Variants in ZFP92 observed in about 807,000 individuals in gnomAD.
ZFP92 encodes the protein zinc finger protein 92 homolog.
A neutral mutation model predicts 7.6 loss-of-function variants in ZFP92; 2 were observed. That is an observed-to-expected ratio of 0.26 (90% CI 0.11 to 0.83). The LOEUF (loss-of-function observed/expected upper bound fraction) is 0.83. Ranked by LOEUF, ZFP92 falls within the 40% of genes least tolerant of loss-of-function variation. ZFP92 has a pLI of 0.65. For synonymous variants in ZFP92, 226 were observed against 183.6 expected (o/e 1.23, Z -1.87); for missense variants, 324 against 408.3 (o/e 0.79, Z 1.78).
chrX:153,412,485 TAC>T (rs1270878329), intron 2 of ZFP92, among the ~76,000 whole-genome samples: 3 of 112,568 alleles, frequency 2.7e-5, no homozygotes, highest in African/African-American at 9.7e-5. Flanking sequence ...CATTAGTAAT[TAC>T]AGAGTCTGTT....
Position 153,422,147 on chromosome X carries a change from C to T in ZFP92, c.*519C>T, listed in dbSNP as rs1218330357. On this transcript the variant is annotated 3_prime_UTR_variant, in exon 6 of 6. Coordinates refer to ENST00000338647, the MANE Select transcript of ZFP92 (RefSeq NM_001136273.2). ...TGCATTTCCTCCCTGGGGGTCGTTC[C>T]CCTCGCCCTAAGAGTTGTTAGTGTT... 1 of 111,986 alleles carries T rather than the reference C, an allele frequency of 8.9e-6. No homozygotes were observed. Among genetic ancestry groups the T allele is most frequent in the Non-Finnish European group, 1.9e-5 (1 of 53,274 alleles). 9.2% of individuals were successfully genotyped at this position (111,986 alleles called of 1,213,427 possible).
Position 153,420,779 on chromosome X carries a change from G to A in ZFP92, c.402G>A (p.Leu134=). The change falls in exon 6 of 6, where the codon TTG becomes TTA. Residue 134 remains leucine, a synonymous_variant. Transcript: ENST00000338647. ...SSVLQRGAQG[L]GQSSAAGPQG... ...TGCTCCAGAGAGGTGCCCAGGGCTT[G>A]GGGCAGAGTTCGGCTGCGGGGCCGC... is the stretch of plus-strand genomic sequence containing the variant. 8.6e-7 allele frequency: 1 copy of A among 1,168,412 alleles called. No individual in the cohort carries two copies. The highest frequency in any genetic ancestry group is 1.1e-6 in the Non-Finnish European group (1 of 873,049).
In ZFP92 at chrX:153,426,277, TGTATGTCTG is replaced by T. The variant is rs782286964; in HGVS notation, c.*4651_*4659del. The T allele has an allele frequency of 2.7e-5, 3 of 111,010 alleles. No homozygotes were observed. Among genetic ancestry groups the T allele is most frequent in the African/African-American group, 6.6e-5 (2 of 30,511 alleles). 9.1% of individuals were successfully genotyped at this position (111,010 alleles called of 1,213,427 possible). ...ATTCCATAGAAATGGACTCATACAG[TGTATGTCTG>T]GCCTCTTTCACTCAGCACAATTCTT... On this transcript the variant is annotated 3_prime_UTR_variant, in exon 6 of 6. Transcript: ENST00000338647.
rs2089036410 is a variant in ZFP92 at position 153,425,447 on chromosome X, G to A, written c.*3819G>A. The A allele has an allele frequency of 1.8e-5, 2 of 112,013 alleles. No homozygotes were observed. The highest frequency in any genetic ancestry group is 2.8e-4 in the East Asian group (1 of 3,579). 9.2% of individuals were successfully genotyped at this position (112,013 alleles called of 1,213,427 possible). A position where few individuals can be genotyped will look rare whatever the true frequency, so the allele number is the denominator to read the frequency against. Reference sequence around the variant, plus strand: ...AACCAGAGTATGGAGAGTCTGGGATGCCATATACAAAAGTTTGGGCTCTAA... The same window carrying A: ...AACCAGAGTATGGAGAGTCTGGGATACCATATACAAAAGTTTGGGCTCTAA... On this transcript the variant is annotated 3_prime_UTR_variant, in exon 6 of 6. Transcript: ENST00000338647.
rs886860553 is a variant in ZFP92, at chrX:153,416,147, C to A, written c.-18-2158C>A. ...GCAGGTTGCTTCCTTGTGGTGTCAT[C>A]TATTCCCAAGGGCCTCTGGACACTG... On this transcript the variant is annotated intron_variant, in intron 2 of 5. Coordinates refer to ENST00000338647, the MANE Select transcript of ZFP92 (RefSeq NM_001136273.2). Among the ~76,000 whole-genome samples, 5 of 111,380 alleles carry A rather than the reference C, an allele frequency of 4.5e-5. No homozygotes were observed. In the East Asian group the frequency reaches 1.1e-3, roughly 25 times the overall value.
chrX:153,417,314 C>T (rs1336318479), intron 2 of ZFP92, among the ~76,000 whole-genome samples: 1 of 112,491 alleles, frequency 8.9e-6, no homozygotes, highest in African/African-American at 3.2e-5. Flanking sequence ...AAATGCAGGA[C>T]CATCTGAGGG....
chrX:153,411,795 T>TGCG (rs1274472389), intron 1 of ZFP92, among the ~76,000 whole-genome samples, 92 bp downstream of exon 1: 2 of 111,814 alleles, frequency 1.8e-5, no homozygotes, highest in Non-Finnish European at 3.8e-5. Flanking sequence ...ACGAGGGAGC[T>TGCG]GCGGCGGCGG....
rs781784325 is a variant in ZFP92, at chrX:153,421,184, C to T, written c.807C>T (p.Cys269=). The change falls in exon 6 of 6, where the codon TGC becomes TGT. Residue 269 remains cysteine, a synonymous_variant. Transcript: ENST00000338647. Reference sequence around the variant, plus strand: ...AGCGGCCCTACGCGTGCCCAGAGTGCGGCAAGGCCTTCAGCCGCAGCTCCA... The same window carrying T: ...AGCGGCCCTACGCGTGCCCAGAGTGTGGCAAGGCCTTCAGCCGCAGCTCCA... ...SGERPYACPE[C]GKAFSRSSNL... The T allele has an allele frequency of 4.2e-6, 5 of 1,185,199 alleles. No individual in the cohort carries two copies. The highest frequency in any genetic ancestry group is 1.8e-5 in the African/African-American group (1 of 56,643).
chrX:153,421,410 G>A lies in ZFP92; in HGVS notation c.1033G>A (p.Glu345Lys). 1 of 1,156,234 alleles carries A rather than the reference G, an allele frequency of 8.6e-7. No homozygotes were observed. Residue 345 changes from glutamate (E) to lysine (K), a missense_variant, in exon 6 of 6, where the codon GAG (glutamate) becomes AAG (lysine). Physicochemically the swap from Glu to Lys is moderately conservative, Grantham distance 56 (BLOSUM62 1). Coordinates refer to ENST00000338647, the MANE Select transcript of ZFP92 (RefSeq NM_001136273.2). ...LSQHRRVHSG[E>K]KPYECSDCGK... Reference sequence around the variant, plus strand: ...CCAGCACCGGCGCGTGCACAGCGGTGAGAAGCCCTACGAGTGCAGCGACTG... The same window carrying A: ...CCAGCACCGGCGCGTGCACAGCGGTAAGAAGCCCTACGAGTGCAGCGACTG...
Position 153,416,818 on chromosome X carries a change from T to G in ZFP92, c.-18-1487T>G, listed in dbSNP as rs782029428. Among the ~76,000 whole-genome samples the G allele has an allele frequency of 4.5e-5, 5 of 112,063 alleles. No individual in the cohort carries two copies. In the East Asian group the frequency reaches 1.4e-3, roughly 31 times the overall value. On this transcript the variant is annotated intron_variant, in intron 2 of 5. Transcript: ENST00000338647. ...GCTGGAAAGTTCAAGACTGGGCGTC[T>G]GCATCTAGTGAGAGCCTCAAGCTGC...
At position 153,420,301 on chromosome X, in the gene ZFP92, C is replaced by G. The variant is rs1410176440; in HGVS notation, c.234C>G (p.Pro78=). Residue 78 remains proline (P), a synonymous_variant, in exon 5 of 6, where the codon CCC becomes CCG. Coordinates refer to ENST00000338647, the MANE Select transcript of ZFP92 (RefSeq NM_001136273.2). ...AAGGACCCTGGGTAGCAGACATCCC[C>G]AGAACCTGGGCCACCGCAGGATTGC... The part of the protein sequence containing the change: ...RGEGPWVADI[P]RTWATAGLHI... The G allele has an allele frequency of 1.7e-6, 2 of 1,165,753 alleles. No homozygotes were observed. The highest frequency in any genetic ancestry group is 3.6e-5 in the African/African-American group (2 of 55,653).
Position 153,418,759 on chromosome X carries a change from G to A in ZFP92, c.120G>A (p.Lys40=). ...ACCTCAGACAAAAGGTCCTCTACAAGCGGGTGATGCTGGAGAACTATAGCC... is the reference window on the plus strand; with the variant it reads ...ACCTCAGACAAAAGGTCCTCTACAAACGGGTGATGCTGGAGAACTATAGCC... ...LLDLRQKVLY[K]RVMLENYSHL... Residue 40 remains lysine, a synonymous_variant, in exon 4 of 6, where the codon AAG becomes AAA. Coordinates refer to ENST00000338647, the MANE Select transcript of ZFP92 (RefSeq NM_001136273.2). 8.6e-7 allele frequency: 1 copy of A among 1,167,848 alleles called. No homozygotes were observed.
Position 153,418,799 on chromosome X carries a change from G to GGTAA in ZFP92, c.160+3_160+6dup, listed in dbSNP as rs782633536. 217 of 1,165,329 alleles carry GGTAA rather than the reference G, an allele frequency of 1.9e-4. No homozygotes were observed. In the African/African-American group the frequency reaches 3.6e-3, roughly 20 times the overall value. ...GAACTATAGCCATTTGGTGTCACTG[G>GGTAA]GTAAGTGATCCCTCCACGACATACA... On this transcript the variant is annotated frameshift_variant and splice_region_variant. Transcript: ENST00000338647. LOFTEE classifies it high-confidence loss of function.
rs1487667308 is a variant in ZFP92 at position 153,423,786 on chromosome X, A to G, written c.*2158A>G. 8.8e-6 allele frequency: 1 copy of G among 113,945 alleles called. No individual in the cohort carries two copies. The highest frequency in any genetic ancestry group is 1.9e-5 in the Non-Finnish European group (1 of 53,555). The allele number at this position is 113,945 out of a possible 1,213,427, so 9.4% of individuals were successfully genotyped here. On this transcript the variant is annotated 3_prime_UTR_variant, in exon 6 of 6. Coordinates refer to ENST00000338647, the MANE Select transcript of ZFP92 (RefSeq NM_001136273.2). ...TGTATTTGAAGTCCCTGATGAGGCC[A>G]TTGGGAAGTCTGGGTTTTTCTGCTG... is the stretch of plus-strand genomic sequence containing the variant.
chrX:153,420,740 G>A lies in ZFP92; in HGVS notation c.363G>A (p.Ala121=), dbSNP rs1219725628. The A allele has an allele frequency of 2.6e-6, 3 of 1,157,550 alleles. No individual in the cohort carries two copies. The highest frequency in any genetic ancestry group is 2.6e-5 in the Admixed American group (1 of 37,839). ...ADPQGGKEGQ[A]ARSSVLQRGA... ...CACAAGGTGGCAAGGAGGGGCAGGC[G>A]GCGAGGTCGTCTGTGCTCCAGAGAG... The change falls in exon 6 of 6, where the codon GCG becomes GCA. Residue 121 remains alanine, a synonymous_variant. Coordinates refer to ENST00000338647, the MANE Select transcript of ZFP92 (RefSeq NM_001136273.2).
chrX:153,412,610 G>A (rs1212179191), intron 2 of ZFP92, among the ~76,000 whole-genome samples: 2 of 112,019 alleles, frequency 1.8e-5, no homozygotes, highest in Non-Finnish European at 3.8e-5. Context: ...GTAAAAGAGC[G>A]AGGCATGTGG....
chrX:153,412,587 A>G (rs1413051189), intron 2 of ZFP92, among the ~76,000 whole-genome samples: 1 of 112,304 alleles, frequency 8.9e-6, no homozygotes, highest in Non-Finnish European at 1.9e-5. Flanking sequence ...ATTTCTACCA[A>G]AACTTGAAGG....
Position 153,423,618 on chromosome X carries a change from T to C in ZFP92, c.*1990T>C, listed in dbSNP as rs782077856. On this transcript the variant is annotated 3_prime_UTR_variant, in exon 6 of 6. Transcript: ENST00000338647. ...TTGATGCCAAGCCCGGTGCTGGTAA[T>C]CAGTAAGCATGAGTGAAATAGGTCT... 1.5e-4 allele frequency: 17 copies of C among 113,041 alleles called. No homozygotes were observed. The highest frequency in any genetic ancestry group is 1.4e-3 in the Admixed American group (15 of 10,780). 9.3% of individuals were successfully genotyped at this position (113,041 alleles called of 1,213,427 possible). A position where few individuals can be genotyped will look rare whatever the true frequency, so the allele number is the denominator to read the frequency against.
rs138049491 is a variant in ZFP92 at position 153,417,682 on chromosome X, G to A, written c.-18-623G>A. ...CCCTCGAAAGCCTGGTCAGGCGAGC[G>A]CCAGTATGGAAGTGGGCATGGCACC... On this transcript the variant is annotated intron_variant, in intron 2 of 5. Transcript: ENST00000338647. 8.1e-3 allele frequency among the ~76,000 whole-genome samples: 901 copies of A among 111,889 alleles called. 3 individuals carry two copies. Among genetic ancestry groups the A allele is most frequent in the Middle Eastern group, 0.014 (3 of 219 alleles).
Sources: gnomAD v4.1 joint callset for allele counts (sites outside exome capture counted in the v4.1 genomes callset) on GRCh38, gnomAD v4.1.1 for gene constraint, MANE v1.5 for transcripts, NCBI Gene and HGNC (gene_info 2026-07-23, HGNC 2026-07-21) for gene names.